Variants in ZNF215 observed in about 807,000 individuals in gnomAD.
ZNF215 encodes zinc finger protein 215, also known as BWSCR2-associated zinc finger protein 2.
In ZNF215, 24 loss-of-function variants were observed where a neutral mutation model predicts 27.2. The observed-to-expected ratio is 0.88, with a 90% confidence interval of 0.64 to 1.24. ZNF215 has a LOEUF of 1.24. Among genes scored for constraint, ZNF215 ranks in the 50% most tolerant of loss-of-function variants. The pLI, the probability that ZNF215 is intolerant of heterozygous loss-of-function variation, is 0.00. For missense variants in ZNF215, 675 were observed against 605.7 expected, an observed-to-expected ratio of 1.11 and a Z score of -1.20; for synonymous variants, 210 against 204.0, an observed-to-expected ratio of 1.03 and a Z score of -0.25.
intron 6 of ZNF215, among the ~76,000 whole-genome samples, chr11:6,952,969 T>G (rs1457760697): frequency 6.6e-6 from 1 of 152,146 alleles, no homozygotes; most frequent in African/African-American, 2.4e-5. Flanking sequence ...GTCTGTGAAG[T>G]ATTTTATTTC....
intron 5 of ZNF215, among the ~76,000 whole-genome samples, chr11:6,963,213 G>C (rs963192012): frequency 1.3e-5 from 2 of 151,892 alleles, no homozygotes; most frequent in African/African-American, 2.4e-5. Context: ...TTCTTTTATA[G>C]TCAAGCTGTT....
rs1186876919 is a variant in ZNF215, at chr11:6,932,636, C to T, written c.364C>T (p.Leu122Phe). ...HPNNSKDMVT[L>F]IEDVIEMLED... ...AAACAACAGTAAAGATATGGTGACCCTCATAGAAGATGTGATTGAAATGCT... is the reference window on the plus strand; with the variant it reads ...AAACAACAGTAAAGATATGGTGACCTTCATAGAAGATGTGATTGAAATGCT... The change falls in exon 3 of 7, where the codon CTC (leucine) becomes TTC (phenylalanine). Residue 122 changes from leucine (L) to phenylalanine (F), a missense_variant. Physicochemically the swap from Leu to Phe is conservative, Grantham distance 22 (BLOSUM62 0). Coordinates refer to ENST00000278319, the MANE Select transcript of ZNF215 (RefSeq NM_013250.4). The T allele has an allele frequency of 1.2e-6, 2 of 1,613,042 alleles. No homozygotes were observed. Among genetic ancestry groups the T allele is most frequent in the Non-Finnish European group, 1.7e-6 (2 of 1,179,452 alleles).
intron 2 of ZNF215, among the ~76,000 whole-genome samples, chr11:6,930,849 G>A (rs1849231617): frequency 6.6e-6 from 1 of 152,092 alleles, no homozygotes; most frequent in Non-Finnish European, 1.5e-5. Context: ...AGTACATCTG[G>A]GATAGAAACT....
At chr11:6,984,070 T>G (rs1323395950) in intron 5 of ZNF215, 2 of 388,068 alleles carry the variant, frequency 5.2e-6, no homozygotes, top group Admixed American at 6.4e-5. Flanking sequence ...GGGTATGAAG[T>G]GGTAAAATAT....
intron 6 of ZNF215, among the ~76,000 whole-genome samples, chr11:6,944,658 A>G (rs1050395764): frequency 2.6e-5 from 4 of 152,092 alleles, no homozygotes; most frequent in Admixed American, 1.3e-4. Context: ...AAGGAATATA[A>G]CTTGCTCATT....
chr11:6,984,111 A>ATTTT, intron 5 of ZNF215: 1 of 393,860 alleles, frequency 2.5e-6, no homozygotes, highest in Non-Finnish European at 4.9e-6. Context: ...ATGTCCCTTA[A>ATTTT]ATTTTTTTTT....
In ZNF215 at chr11:6,952,802, G is replaced by A. The variant is rs919559819; in HGVS notation, c.713-2888G>A. On this transcript the variant is annotated intron_variant, in intron 6 of 6. Coordinates refer to ENST00000278319, the MANE Select transcript of ZNF215 (RefSeq NM_013250.4). ...ATGATGTTAGCTGGTTATTTTGCTG[G>A]TTAGTTGATGCAGTTTCTTCGTAGC... Among the ~76,000 whole-genome samples the A allele has an allele frequency of 4.1e-4, 63 of 152,080 alleles. 1 individual carries two copies. Among genetic ancestry groups the A allele is most frequent in the African/African-American group, 1.4e-3 (60 of 41,472 alleles).
chr11:6,958,045 CTA>C (rs1850436133), exon 7 of ZNF215: 1 of 985,362 alleles, frequency 1.0e-6, no homozygotes, highest in East Asian at 1.1e-4. Flanking sequence ...ATGTCAAAAT[CTA>C]TGTTTGTTCA....
chr11:6,942,951 C>A, intron 4 of ZNF215, 132 bp from the exon 5 acceptor site: 1 of 1,360,892 alleles, frequency 7.3e-7, no homozygotes, highest in Non-Finnish European at 1.0e-6. Context: ...GAACCTCAAA[C>A]ATTGTCCTCA....
intron 5 of ZNF215, among the ~76,000 whole-genome samples, chr11:6,972,727 A>G (rs1308851309): frequency 1.3e-5 from 2 of 152,210 alleles, no homozygotes; most frequent in Non-Finnish European, 2.9e-5. Context: ...AGAAATTTTG[A>G]CAGAGATGAA....
chr11:6,962,700 T>C (rs1307352315), downstream of ZNF215, among the ~76,000 whole-genome samples: 1 of 152,110 alleles, frequency 6.6e-6, no homozygotes, highest in African/African-American at 2.4e-5. Flanking sequence ...CTGTTGGGAT[T>C]TGTTACAAAT....
rs1360617520 is a variant in ZNF215, at chr11:6,946,329, T to C, written c.712+2688T>C. Among the ~76,000 whole-genome samples, 4 of 152,208 alleles carry C rather than the reference T, an allele frequency of 2.6e-5. No individual in the cohort carries two copies. The East Asian group carries it at 7.7e-4, about 29-fold the overall frequency. On this transcript the variant is annotated intron_variant, in intron 6 of 6. Coordinates refer to ENST00000278319, the MANE Select transcript of ZNF215 (RefSeq NM_013250.4). ...TTTCAGTATTGTTTATTTCACAACA[T>C]TCTATTCTCTGCCTACTTCTCCAAT...
intron 5 of ZNF215, among the ~76,000 whole-genome samples, chr11:6,975,314 G>T (rs1422713657): frequency 6.6e-6 from 1 of 151,942 alleles, no homozygotes; most frequent in Non-Finnish European, 1.5e-5. Context: ...TTTTGATAGA[G>T]GCATGCAATG....
In ZNF215 at chr11:6,955,854, A is replaced by G; in HGVS notation, c.877A>G (p.Thr293Ala). 6.2e-7 allele frequency: 1 copy of G among 1,612,386 alleles called. No homozygotes were observed. The highest frequency in any genetic ancestry group is 8.5e-7 in the Non-Finnish European group (1 of 1,179,620). The change falls in exon 7 of 7, where the codon ACA (threonine) becomes GCA (alanine). Residue 293 changes from threonine (T) to alanine (A), a missense_variant. Physicochemically the swap from Thr to Ala is moderately conservative, Grantham distance 58 (BLOSUM62 0). Coordinates refer to ENST00000278319, the MANE Select transcript of ZNF215 (RefSeq NM_013250.4). ...GCCACAAGAGGCTTTCATTCCTGAG[A>G]CAATTTACACTGAGGAGGAAGATTT... is the stretch of plus-strand genomic sequence containing the variant. The part of the protein sequence containing the change: ...NLPQEAFIPE[T>A]IYTEEEDFEC...
At chr11:6,931,022 G>T (rs887280339) in intron 2 of ZNF215, among the ~76,000 whole-genome samples, 2 of 152,140 alleles carry the variant, frequency 1.3e-5, no homozygotes, top group Non-Finnish European at 2.9e-5. Context: ...ACTTCCTAGA[G>T]GCCAGGTACA....
intron 2 of ZNF215, among the ~76,000 whole-genome samples, chr11:6,931,081 C>T (rs1036123014): frequency 3.3e-5 from 5 of 152,134 alleles, no homozygotes; most frequent in African/African-American, 1.2e-4. Context: ...GCCAGATTTC[C>T]CCTGTTGGTA....
At chr11:6,991,235 C>A (rs1031576063), downstream of ZNF215, among the ~76,000 whole-genome samples, 8 of 152,166 alleles carry the variant, frequency 5.3e-5, no homozygotes, top group African/African-American at 1.9e-4. Context: ...TCTTTGCCTG[C>A]GTTTCTTCAT....
At chr11:6,977,475 T>A (rs1163453613) in intron 5 of ZNF215, among the ~76,000 whole-genome samples, 3 of 152,020 alleles carry the variant, frequency 2.0e-5, no homozygotes, top group East Asian at 3.9e-4. Context: ...GCATCCCCTG[T>A]GGATAAGGAG....
intron 3 of ZNF215, among the ~76,000 whole-genome samples, chr11:6,938,544 A>G (rs964306058): frequency 1.3e-5 from 2 of 152,106 alleles, no homozygotes; most frequent in Non-Finnish European, 1.5e-5. Flanking sequence ...AAACTTTGCT[A>G]TATACATACA....
Sources: allele counts gnomAD v4.1 joint callset (sites outside exome capture counted in the v4.1 genomes callset), GRCh38; gene constraint gnomAD v4.1.1; transcripts MANE v1.5; gene names NCBI Gene and HGNC (gene_info 2026-07-23, HGNC 2026-07-21).